SUSD5: variants seen among roughly 807,000 people sequenced by gnomAD.
The protein encoded by SUSD5 is sushi domain-containing protein 5.
A neutral mutation model predicts 29.5 loss-of-function variants in SUSD5; 33 were observed. The observed-to-expected ratio is 1.12, with a 90% CI of 0.85 to 1.49. The LOEUF is 1.49. Among genes scored for constraint, SUSD5 ranks in the 40% most tolerant of loss-of-function variants. SUSD5 has a pLI of 0.00. For synonymous variants in SUSD5, 308 were observed against 325.3 expected (o/e 0.95, Z 0.57); for missense variants, 776 against 800.6 (o/e 0.97, Z 0.37).
intron 2 of SUSD5, among the ~76,000 whole-genome samples, chr3:33,213,654 A>G (rs2032365970): frequency 6.6e-6 from 1 of 151,702 alleles, no homozygotes. Context: ...CATGCCTGTA[A>G]TCCCAGCTAC....
rs2032340480 is a variant in SUSD5 at position 33,212,500 on chromosome 3, C to T, written c.290+1428G>A. Among the ~76,000 whole-genome samples the T allele has an allele frequency of 2.6e-5, 4 of 152,224 alleles. No homozygotes were observed. The South Asian group carries it at 8.3e-4, about 32-fold the overall frequency. On this transcript the variant is annotated intron_variant, in intron 2 of 4. Transcript: ENST00000309558. Reference sequence around the variant, plus strand: ...GGGTCAGGCACTCAAATAGCCACAGCAGGAATGGCTAGTCTTGCGTATAAT... The same window carrying T: ...GGGTCAGGCACTCAAATAGCCACAGTAGGAATGGCTAGTCTTGCGTATAAT...
Position 33,167,152 on chromosome 3 carries a change from C to T in SUSD5, c.598+7734G>A, listed in dbSNP as rs1418981436. Among the ~76,000 whole-genome samples the T allele has an allele frequency of 6.6e-6, 1 of 151,628 alleles. No individual in the cohort carries two copies. The highest frequency in any genetic ancestry group is 1.5e-5 in the Non-Finnish European group (1 of 67,980). ...CGAGATCACACCACTGCACTCCAGC[C>T]TGGGCAACAAGAGCGAGACTCCATC... On this transcript the variant is annotated intron_variant, in intron 4 of 4. Coordinates refer to ENST00000309558, the MANE Select transcript of SUSD5 (RefSeq NM_015551.2). The surrounding 1 kb of genome is among the most constrained non-coding windows in gnomAD (Gnocchi z 4.1).
Position 33,159,094 on chromosome 3 carries a change from CTCAG to C in SUSD5, c.599-5065_599-5062del, listed in dbSNP as rs896327998. Among the ~76,000 whole-genome samples the C allele has an allele frequency of 4.6e-5, 7 of 152,278 alleles. No individual in the cohort carries two copies. In the South Asian group the frequency reaches 1.0e-3, roughly 23 times the overall value. On this transcript the variant is annotated intron_variant, in intron 4 of 4. Transcript: ENST00000309558. ...GAGTAAACAAGCTGTTTGTGCTGAA[CTCAG>C]TCAGCATGATGAAAGGGAACAACAT...
intron 1 of SUSD5, among the ~76,000 whole-genome samples, chr3:33,216,772 G>A (rs1208703549): frequency 6.6e-6 from 1 of 152,030 alleles, no homozygotes; most frequent in Non-Finnish European, 1.5e-5. Flanking sequence ...CGTCACCATA[G>A]CACACAAATA....
At chr3:33,183,256 A>C (rs919889365) in intron 3 of SUSD5, among the ~76,000 whole-genome samples, 1 of 152,080 alleles carries the variant, frequency 6.6e-6, no homozygotes, top group Non-Finnish European at 1.5e-5. Flanking sequence ...TAATTGGATA[A>C]CCACTATAAT....
At chr3:33,198,386 T>C (rs1368782644) in intron 3 of SUSD5, among the ~76,000 whole-genome samples, 2 of 152,234 alleles carry the variant, frequency 1.3e-5, no homozygotes, top group Non-Finnish European at 2.9e-5. Context: ...ATTATTATTG[T>C]GTTCCAGGTG....
intron 3 of SUSD5, among the ~76,000 whole-genome samples, chr3:33,184,951 T>C (rs2031748577): frequency 6.6e-6 from 1 of 152,268 alleles, no homozygotes; most frequent in Non-Finnish European, 1.5e-5. Context: ...CTTTTGTCTT[T>C]TAGAATGCCT....
intron 4 of SUSD5, among the ~76,000 whole-genome samples, chr3:33,162,995 C>A (rs2031224824): frequency 6.6e-6 from 1 of 151,122 alleles, no homozygotes; most frequent in Admixed American, 6.6e-5. Context: ...ATACAACTTA[C>A]CAAAAGTGAC....
intron 3 of SUSD5, among the ~76,000 whole-genome samples, chr3:33,202,594 CA>C (rs1301851690): frequency 6.6e-6 from 1 of 152,138 alleles, no homozygotes; most frequent in African/African-American, 2.4e-5. Flanking sequence ...TGAAGCCTTT[CA>C]GGGCAACAGA....
chr3:33,216,643 AT>A (rs2032432607), intron 1 of SUSD5, among the ~76,000 whole-genome samples: 1 of 152,168 alleles, frequency 6.6e-6, no homozygotes, highest in South Asian at 2.1e-4. Flanking sequence ...CACGCACATG[AT>A]TTCAAAGACC....
At position 33,167,496 on chromosome 3, in the gene SUSD5, G is replaced by T. The variant is rs2031330204; in HGVS notation, c.598+7390C>A. On this transcript the variant is annotated intron_variant, in intron 4 of 4. Transcript: ENST00000309558. The surrounding 1 kb of genome is among the most constrained non-coding windows in gnomAD (Gnocchi z 4.1). ...GTGTGTCTCTGTATGGGTGTCTAAG[G>T]TTCTGCCTCCAGAGCTCCCTGAGGC... 6.6e-6 allele frequency among the ~76,000 whole-genome samples: 1 copy of T among 151,960 alleles called. No homozygotes were observed.
intron 4 of SUSD5, among the ~76,000 whole-genome samples, chr3:33,172,760 C>G (rs952016636): frequency 6.6e-6 from 1 of 152,248 alleles, no homozygotes; most frequent in African/African-American, 2.4e-5. Context: ...ACTTTTGCAA[C>G]AATTTGACAG....
intron 4 of SUSD5, among the ~76,000 whole-genome samples, chr3:33,174,624 T>C (rs2031504628): frequency 6.6e-6 from 1 of 152,222 alleles, no homozygotes; most frequent in African/African-American, 2.4e-5. Context: ...AGGTCAACTG[T>C]GTACTTAGAG....
rs140508369 is a variant in SUSD5 at position 33,209,799 on chromosome 3, C to A, written c.291-1873G>T. ...AGTAGCTGGGACTATAGGCATGCAC[C>A]ACCATGCCCAGCCCTCTTTGGCTCT... On this transcript the variant is annotated intron_variant, in intron 2 of 4. Transcript: ENST00000309558. 3.6e-4 allele frequency among the ~76,000 whole-genome samples: 55 copies of A among 152,132 alleles called. No homozygotes were observed. The East Asian group carries it at 5.4e-3, about 15-fold the overall frequency.
rs1313603883 is a variant in SUSD5 at position 33,214,242 on chromosome 3, C to T, written c.113-137G>A. 7.1e-6 allele frequency: 5 copies of T among 706,432 alleles called. No homozygotes were observed. The African/African-American group carries it at 9.3e-5, about 13-fold the overall frequency. The allele number at this position is 706,432 out of a possible 1,614,324, so 43.8% of individuals were successfully genotyped here. On this transcript the variant is annotated intron_variant, in intron 1 of 4. Transcript: ENST00000309558. Reference sequence around the variant, plus strand: ...CCAAGTGCAGCAACTACCACATCCACATCCCTGGGACCAGGTGATGATAAT... The same window carrying T: ...CCAAGTGCAGCAACTACCACATCCATATCCCTGGGACCAGGTGATGATAAT...
At chr3:33,197,575 T>C (rs2032019271) in intron 3 of SUSD5, among the ~76,000 whole-genome samples, 1 of 152,152 alleles carries the variant, frequency 6.6e-6, no homozygotes, top group African/African-American at 2.4e-5. Flanking sequence ...AATCAAGGTA[T>C]AGAACAATTC....
intron 4 of SUSD5, among the ~76,000 whole-genome samples, chr3:33,157,688 T>G (rs911764895): frequency 2.0e-5 from 3 of 152,222 alleles, no homozygotes; most frequent in Non-Finnish European, 4.4e-5. Flanking sequence ...TTTGACCTAC[T>G]GAACGCAATG....
At chr3:33,161,992 T>C (rs4678722) in intron 4 of SUSD5, among the ~76,000 whole-genome samples, 126,582 of 152,132 alleles carry the variant, frequency 0.83, 53,245 homozygotes, top group East Asian at 1. Context: ...CTTTGAAATG[T>C]GTAGATGACA....
intron 1 of SUSD5, among the ~76,000 whole-genome samples, chr3:33,217,832 A>C (rs9311006): frequency 0.52 from 78,511 of 152,032 alleles, 20,977 homozygotes; most frequent in East Asian, 0.86. Flanking sequence ...AGCTAGAACT[A>C]CCTCATGGGT....
Sources: gnomAD v4.1 joint callset for allele counts (sites outside exome capture counted in the v4.1 genomes callset) on GRCh38, gnomAD v4.1.1 for gene constraint, Gnocchi (gnomAD v3.1) non-coding constraint, MANE v1.5 for transcripts, NCBI Gene and HGNC (gene_info 2026-07-23, HGNC 2026-07-21) for gene names.